Variants in PHF8 observed in about 807,000 individuals in gnomAD.
The protein encoded by PHF8 is PHD finger protein 8, also known as histone lysine demethylase PHF8.
Under a neutral mutation model 74.4 loss-of-function variants are expected in PHF8, and 9 were observed. That is an observed-to-expected ratio of 0.12 (90% CI 0.07 to 0.21). PHF8 has a LOEUF of 0.21. Ranked by LOEUF, PHF8 falls within the 10% of genes least tolerant of loss-of-function variation. The pLI is 1.00. For synonymous variants in PHF8, 311 were observed against 316.6 expected (o/e 0.98, Z 0.19); for missense variants, 478 against 816.6 (o/e 0.59, Z 5.05).
chrX:54,022,050 G>GT (rs2066186815), intron 4 of PHF8, among the ~76,000 whole-genome samples: 1 of 111,704 alleles, frequency 9.0e-6, no homozygotes, highest in Non-Finnish European at 1.9e-5. Flanking sequence ...TTGGATGAAT[G>GT]TAAGTATCTA....
At chrX:53,996,290 T>G (rs2065746925) in intron 11 of PHF8, among the ~76,000 whole-genome samples, 1 of 110,368 alleles carries the variant, frequency 9.1e-6, no homozygotes. Flanking sequence ...ATTTTTTGTG[T>G]TTTTAGTAGA....
At chrX:53,984,801 G>A (rs2065534176) in intron 18 of PHF8, 113 bp downstream of exon 18, 2 of 624,452 alleles carry the variant, frequency 3.2e-6, no homozygotes, top group Admixed American at 2.2e-5. Context: ...CTAAGTATCA[G>A]GCTTAAGACC....
At chrX:54,048,863 G>C (rs2066644960), upstream of PHF8, 1 of 112,266 alleles carries the variant, frequency 8.9e-6, no homozygotes, top group African/African-American at 3.2e-5. Context: ...AAACAGCCAG[G>C]CTGAACTTTC....
chrX:54,002,366 G>T, intron 9 of PHF8, 105 bp from the exon 10 acceptor site: 1 of 582,360 alleles, frequency 1.7e-6, no homozygotes. Flanking sequence ...TCCTCAAAAT[G>T]ACTCTGCAAG....
At chrX:54,036,873 G>A (rs2066469481) in intron 2 of PHF8, among the ~76,000 whole-genome samples, 1 of 107,881 alleles carries the variant, frequency 9.3e-6, no homozygotes, top group Non-Finnish European at 1.9e-5. Flanking sequence ...GGTGGCGAGC[G>A]CCTATAATCC....
At chrX:54,008,452 G>T (rs1291362999) in intron 8 of PHF8, among the ~76,000 whole-genome samples, 5 of 109,300 alleles carry the variant, frequency 4.6e-5, no homozygotes, top group African/African-American at 1.3e-4. Context: ...ACTCTGGGAG[G>T]CCTAGGTGGG....
intron 14 of PHF8, among the ~76,000 whole-genome samples, chrX:53,992,060 A>G (rs1360412164): frequency 8.9e-6 from 1 of 112,163 alleles, no homozygotes; most frequent in African/African-American, 3.2e-5. Context: ...AAATGTCTAT[A>G]TACAGCTTTT....
chrX:54,016,858 T>C (rs1771425256), intron 5 of PHF8, 122 bp from the exon 6 acceptor site: 1 of 541,402 alleles, frequency 1.8e-6, no homozygotes, highest in Admixed American at 2.9e-5. Context: ...ACACTGTACA[T>C]ATATGTGTGT....
At chrX:54,039,288 A>G (rs1557115239) in intron 2 of PHF8, among the ~76,000 whole-genome samples, 3 of 111,977 alleles carry the variant, frequency 2.7e-5, no homozygotes, top group Non-Finnish European at 5.6e-5. Flanking sequence ...TGAAGTACAA[A>G]CTTAAATGGC....
At chrX:54,048,105 C>T (rs1221020811), upstream of PHF8, among the ~76,000 whole-genome samples, 3 of 109,381 alleles carry the variant, frequency 2.7e-5, no homozygotes, top group African/African-American at 1.0e-4. Flanking sequence ...AGGAGAATCG[C>T]GTGAACCCGG....
At chrX:53,940,927 T>C (rs1162933168) in intron 20 of PHF8, among the ~76,000 whole-genome samples, 1 of 112,230 alleles carries the variant, frequency 8.9e-6, no homozygotes. Flanking sequence ...AAATCCTAAT[T>C]TTACATATGA....
chrX:53,949,491 A>G (rs1340608605), intron 19 of PHF8, among the ~76,000 whole-genome samples: 2 of 111,133 alleles, frequency 1.8e-5, no homozygotes, highest in East Asian at 2.8e-4. Context: ...GGAAATTTGA[A>G]TAAGTACATG....
intron 19 of PHF8, among the ~76,000 whole-genome samples, chrX:53,949,282 C>T (rs1438273810): frequency 9.1e-6 from 1 of 110,461 alleles, no homozygotes; most frequent in Non-Finnish European, 1.9e-5. Context: ...TTGCAGTGAG[C>T]TGAGATCGCG....
intron 18 of PHF8, among the ~76,000 whole-genome samples, chrX:53,968,123 AT>A (rs1315525151): frequency 9.2e-6 from 1 of 109,162 alleles, no homozygotes; most frequent in African/African-American, 3.4e-5. Context: ...AAAAATAAAA[AT>A]TAAAAAAAAA....
At chrX:54,041,511 T>C (rs1386705465) in intron 2 of PHF8, among the ~76,000 whole-genome samples, 4 of 111,880 alleles carry the variant, frequency 3.6e-5, no homozygotes, top group Non-Finnish European at 5.6e-5. Context: ...CACTGTTTTG[T>C]TGTGCTCCAG....
chrX:53,986,454 T>C (rs1322214958), intron 16 of PHF8, among the ~76,000 whole-genome samples: 1 of 112,386 alleles, frequency 8.9e-6, no homozygotes, highest in East Asian at 2.8e-4. Flanking sequence ...AGGATGGTCT[T>C]GATCTCTTGA....
chrX:53,967,331 C>A (rs1557093203), intron 18 of PHF8, among the ~76,000 whole-genome samples: 2 of 99,267 alleles, frequency 2.0e-5, no homozygotes, highest in African/African-American at 7.7e-5. Context: ...GGTCAGCCCC[C>A]CGCCCGGCCA....
chrX:54,025,126 T>C (rs2066247260), intron 2 of PHF8, among the ~76,000 whole-genome samples: 1 of 111,484 alleles, frequency 9.0e-6, no homozygotes, highest in Non-Finnish European at 1.9e-5. Flanking sequence ...TCCGCCCGCC[T>C]CGGCCTCCCA....
intron 19 of PHF8, among the ~76,000 whole-genome samples, chrX:53,949,743 C>T (rs1278236702): frequency 2.2e-5 from 2 of 91,738 alleles, no homozygotes; most frequent in Admixed American, 1.4e-4. Context: ...ACCCGGAAGG[C>T]GGAGCTTGCA....
Sources: allele counts gnomAD v4.1 joint callset (sites outside exome capture counted in the v4.1 genomes callset), GRCh38; gene constraint gnomAD v4.1.1; transcripts MANE v1.5; gene names NCBI Gene and HGNC (gene_info 2026-07-23, HGNC 2026-07-21).